Variants in PSORS1C1 observed in about 807,000 individuals in gnomAD.
The protein encoded by PSORS1C1 is psoriasis susceptibility 1 candidate gene 1 protein.
A neutral mutation model predicts 9.4 loss-of-function variants in PSORS1C1; 7 were observed. The observed-to-expected ratio is 0.75, with a 90% CI of 0.42 to 1.40. The LOEUF (loss-of-function observed/expected upper bound fraction) is 1.40. PSORS1C1 is among the 40% of genes most tolerant of loss of function. PSORS1C1 has a pLI of 0.01. For synonymous variants in PSORS1C1, 63 were observed against 69.4 expected (o/e 0.91, Z 0.46); for missense variants, 146 against 178.1 (o/e 0.82, Z 1.02).
chr6:31,138,674 T>TACAAGGACCCCAGCTCC lies in PSORS1C1; in HGVS notation c.63_79dup (p.Leu27HisfsTer44), dbSNP rs771854321. On this transcript the variant is annotated frameshift_variant, in exon 5 of 6. Transcript: ENST00000259881. LOFTEE classifies it high-confidence loss of function. ...CCCCCAGGCACACAGACCCCAGCTT[T>TACAAGGACCCCAGCTCC]ACAAGGACCCCAGCTCCTTAACACA... 5 of 1,613,246 alleles carry TACAAGGACCCCAGCTCC rather than the reference T, an allele frequency of 3.1e-6. No homozygotes were observed. In the Admixed American group the frequency reaches 8.3e-5, roughly 27 times the overall value.
rs765075947 is a variant in PSORS1C1 at position 31,138,430 on chromosome 6, A to C, written c.14A>C (p.Asp5Ala). The change falls in exon 4 of 6, where the codon GAC becomes GCC. Residue 5 changes from aspartate (D) to alanine (A), a missense_variant and splice_region_variant. By Grantham distance (126) the Asp-to-Ala change is moderately radical. Transcript: ENST00000259881. Reference sequence around the variant, plus strand: ...GCAGCCTGAACTGACCCACAAACAGACCAAAAAAGTCACTCTCAAAGAGCT... The same window carrying C: ...GCAGCCTGAACTGACCCACAAACAGCCCAAAAAAGTCACTCTCAAAGAGCT... MTCT[D>A]QKSHSQRALG... 19 of 1,612,084 alleles carry C rather than the reference A, an allele frequency of 1.2e-5. 1 individual carries two copies. The South Asian group carries it at 2.1e-4, about 18-fold the overall frequency.
chr6:31,121,173 T>TAG (rs143856169), intron 1 of PSORS1C1, among the ~76,000 whole-genome samples: 1 of 130,466 alleles, frequency 7.7e-6, no homozygotes, highest in African/African-American at 2.7e-5. Flanking sequence ...GTGGCGGGGG[T>TAG]GGGGGGGTGC....
chr6:31,137,739 A>T (rs1773217254), intron 3 of PSORS1C1: 5 of 401,848 alleles, frequency 1.2e-5, no homozygotes, highest in East Asian at 3.6e-5. Context: ...CTGTCAGAGG[A>T]AAAAACGGGC....
intron 1 of PSORS1C1, among the ~76,000 whole-genome samples, chr6:31,123,496 G>C (rs3131000): frequency 0.47 from 71,302 of 152,126 alleles, 18,168 homozygotes; most frequent in African/African-American, 0.68. Context: ...GTCCACAGTA[G>C]TGCAGGCAGC....
At chr6:31,130,505 G>C (rs376092423) in intron 3 of PSORS1C1, among the ~76,000 whole-genome samples, 1 of 151,732 alleles carries the variant, frequency 6.6e-6, no homozygotes, top group Non-Finnish European at 1.5e-5. Context: ...TCCGCCTCCC[G>C]GGTTCACGCC....
chr6:31,139,926 G>T lies in PSORS1C1; in HGVS notation c.453G>T (p.Leu151Phe). 1 of 1,610,420 alleles carries T rather than the reference G, an allele frequency of 6.2e-7. No homozygotes were observed. Among genetic ancestry groups the T allele is most frequent in the Non-Finnish European group, 8.5e-7 (1 of 1,178,496 alleles). ...PSHSPFGLSSLI is the reference protein window; with the variant it reads ...PSHSPFGLSSFI ...ATTCTCCTTTTGGTCTCAGCTCCTT[G>T]ATCTAAGCCTCCCAGAGAGACCCCT... The change falls in exon 6 of 6, where the codon TTG (leucine) becomes TTT (phenylalanine). Residue 151 changes from leucine (L) to phenylalanine (F), a missense_variant. Transcript: ENST00000259881. The surrounding 1 kb of genome is among the most constrained non-coding windows in gnomAD (Gnocchi z 5.2).
intron 1 of PSORS1C1, chr6:31,117,627 C>CTGCGCTCTGCTTGGG: frequency 9.7e-7 from 1 of 1,031,744 alleles, no homozygotes; most frequent in Non-Finnish European, 1.5e-6. Flanking sequence ...GGGTTTCTCC[C>CTGCGCTCTGCTTGGG]AAGCAGAGCG....
At chr6:31,136,036 G>C (rs1192238485) in intron 3 of PSORS1C1, among the ~76,000 whole-genome samples, 1 of 152,034 alleles carries the variant, frequency 6.6e-6, no homozygotes, top group Non-Finnish European at 1.5e-5. Context: ...CTGGATGACA[G>C]ATGGAGACCC....
chr6:31,131,168 C>T (rs1157595155), intron 3 of PSORS1C1, among the ~76,000 whole-genome samples: 1 of 152,174 alleles, frequency 6.6e-6, no homozygotes, highest in Non-Finnish European at 1.5e-5. Flanking sequence ...GGTTATTTTA[C>T]TCCAATCATT....
At position 31,139,103 on chromosome 6, in the gene PSORS1C1, G is replaced by T; in HGVS notation, c.167+324G>T. ...AACCCCAAGAGGCTTTATAGGGGAG[G>T]AGTGGAGGAGGGACCAGCCCAGTGG... On this transcript the variant is annotated intron_variant, in intron 5 of 5. Coordinates refer to ENST00000259881, the MANE Select transcript of PSORS1C1 (RefSeq NM_014068.3). This position sits in a 1 kb window ranked among gnomAD's most constrained non-coding sequence, Gnocchi z 5.2. The T allele has an allele frequency of 7.9e-7, 1 of 1,258,294 alleles. No homozygotes were observed. Among genetic ancestry groups the T allele is most frequent in the Non-Finnish European group, 1.2e-6 (1 of 861,640 alleles). The allele number at this position is 1,258,294 out of a possible 1,614,324, so 77.9% of individuals were successfully genotyped here. A position where few individuals can be genotyped will look rare whatever the true frequency, so the allele number is the denominator to read the frequency against.
chr6:31,131,409 T>A (rs1283989529), intron 3 of PSORS1C1, among the ~76,000 whole-genome samples: 1 of 151,552 alleles, frequency 6.6e-6, no homozygotes, highest in African/African-American at 2.4e-5. Context: ...CTGGCCAACA[T>A]GGTGAAACCC....
At chr6:31,135,773 G>A (rs1011028781) in intron 3 of PSORS1C1, among the ~76,000 whole-genome samples, 4 of 151,998 alleles carry the variant, frequency 2.6e-5, no homozygotes, top group East Asian at 3.9e-4. Flanking sequence ...GCGGTGGCTC[G>A]TGCCTGTAAT....
At position 31,127,666 on chromosome 6, in the gene PSORS1C1, T is replaced by C. The variant is rs1363579577; in HGVS notation, c.-65+1827T>C. Among the ~76,000 whole-genome samples, 3 of 151,602 alleles carry C rather than the reference T, an allele frequency of 2.0e-5. No homozygotes were observed. The East Asian group carries it at 5.8e-4, about 29-fold the overall frequency. ...CCATCTCTACTAAAAATACAAAAAT[T>C]AGCCGGGTGTGGTGGTGAACACTTG... On this transcript the variant is annotated intron_variant, in intron 2 of 5. Transcript: ENST00000259881.
At chr6:31,131,084 C>T (rs1268223380) in intron 3 of PSORS1C1, among the ~76,000 whole-genome samples, 2 of 151,910 alleles carry the variant, frequency 1.3e-5, no homozygotes, top group Non-Finnish European at 2.9e-5. Flanking sequence ...CAGATATGAG[C>T]TCCTGCACTT....
intron 1 of PSORS1C1, chr6:31,118,752 T>A (rs574679142): frequency 5.9e-5 from 9 of 151,952 alleles, no homozygotes; most frequent in African/African-American, 2.2e-4. Context: ...GTTTATACAT[T>A]CAGAGGGGCC....
chr6:31,127,753 G>A (rs2150968140), intron 2 of PSORS1C1, among the ~76,000 whole-genome samples: 1 of 152,002 alleles, frequency 6.6e-6, no homozygotes, highest in Non-Finnish European at 1.5e-5. Flanking sequence ...GGTAGAGGTT[G>A]CAGTGAGCTG....
chr6:31,117,166 C>CTTCCCGAGTGAGAGCCGCTGT, intron 1 of PSORS1C1: 2 of 951,402 alleles, frequency 2.1e-6, no homozygotes, highest in South Asian at 1.7e-5. Flanking sequence ...AGAGCTGCTG[C>CTTCCCGAGTGAGAGCCGCTGT]TTCCCGAGTG....
intron 1 of PSORS1C1, chr6:31,117,223 G>A (rs760266452): frequency 1.2e-6 from 2 of 1,613,746 alleles, no homozygotes; most frequent in South Asian, 2.2e-5. Context: ...CAGCTGGGAG[G>A]AACCGGATGC....
At position 31,120,422 on chromosome 6, in the gene PSORS1C1, C is replaced by T. The variant is rs770062672; in HGVS notation, c.-228-5254C>T. On this transcript the variant is annotated intron_variant, in intron 1 of 5. Coordinates refer to ENST00000259881, the MANE Select transcript of PSORS1C1 (RefSeq NM_014068.3). The stretch of plus-strand genomic sequence containing the variant: ...CAGGGTGCCCGAGACGAGCCCATCT[C>T]GGACTGCACGGCCTCCTGACTGATG... 8 of 1,576,766 alleles carry T rather than the reference C, an allele frequency of 5.1e-6. No individual in the cohort carries two copies. In the South Asian group the frequency reaches 5.8e-5, roughly 11 times the overall value.
Sources: gnomAD v4.1 joint callset for allele counts (sites outside exome capture counted in the v4.1 genomes callset) on GRCh38, gnomAD v4.1.1 for gene constraint, Gnocchi (gnomAD v3.1) non-coding constraint, MANE v1.5 for transcripts, NCBI Gene and HGNC (gene_info 2026-07-23, HGNC 2026-07-21) for gene names.